The following DLG1 variants were observed in gnomAD, a reference collection of about 807,000 sequenced individuals.
DLG1 encodes disks large homolog 1.
In DLG1, 42 loss-of-function variants were observed where a neutral mutation model predicts 123.4. That is an observed-to-expected ratio of 0.34 (90% CI 0.27 to 0.44). The LOEUF (loss-of-function observed/expected upper bound fraction) is 0.44, where lower values mean the gene tolerates loss of function less well. Among genes scored for constraint, DLG1 ranks in the 20% least tolerant of loss-of-function variants. The pLI is 1.00. For synonymous variants in DLG1, 317 were observed against 356.2 expected, an observed-to-expected ratio of 0.89 and a Z score of 1.24; for missense variants, 942 against 1,082.6, an observed-to-expected ratio of 0.87 and a Z score of 1.82.
rs1247482005 is a variant in DLG1 at position 197,145,859 on chromosome 3, C to CG, written c.538-3092dup. Among the ~76,000 whole-genome samples the CG allele has an allele frequency of 3.5e-5, 3 of 85,218 alleles. No individual in the cohort carries two copies. In the East Asian group the frequency reaches 9.8e-4, roughly 28 times the overall value. 55.9% of individuals were successfully genotyped at this position (85,218 alleles called of 152,430 possible). On this transcript the variant is annotated intron_variant, in intron 6 of 24. Coordinates refer to ENST00000667157, the MANE Select transcript of DLG1 (RefSeq NM_001366207.1). ...CGTCTTTAATCCCAGCTACTCAGGG[C>CG]GGGGGCCAAGGGGTGGGGTAGGGTG...
At chr3:197,130,500 T>A in intron 11 of DLG1, 27 bp downstream of exon 11, 1 of 1,534,188 alleles carries the variant, frequency 6.5e-7, no homozygotes, top group East Asian at 2.3e-5. Flanking sequence ...AAGATAAATT[T>A]AAGCAAACGT....
intron 4 of DLG1, among the ~76,000 whole-genome samples, chr3:197,266,585 C>A (rs1230648189): frequency 6.6e-6 from 1 of 152,004 alleles, no homozygotes; most frequent in African/African-American, 2.4e-5. Context: ...TGCACTGCAG[C>A]CTGGGCGACG....
At chr3:197,174,987 T>C (rs984405434) in intron 5 of DLG1, among the ~76,000 whole-genome samples, 3 of 152,178 alleles carry the variant, frequency 2.0e-5, no homozygotes, top group Admixed American at 2.0e-4. Flanking sequence ...TGTTCAGAAA[T>C]GCTACCAAAT....
chr3:197,251,591 A>AT (rs1554049056), intron 4 of DLG1, among the ~76,000 whole-genome samples: 12 of 152,316 alleles, frequency 7.9e-5, no homozygotes, highest in African/African-American at 2.9e-4. Flanking sequence ...CATATGCATA[A>AT]GAATGAATGA....
At chr3:197,064,684 AT>A (rs1161622964) in intron 22 of DLG1, among the ~76,000 whole-genome samples, 3 of 150,642 alleles carry the variant, frequency 2.0e-5, no homozygotes, top group Non-Finnish European at 4.4e-5. Context: ...TTTCTTGCAA[AT>A]TTTTTCTGTC....
intron 4 of DLG1, among the ~76,000 whole-genome samples, chr3:197,263,981 T>TA (rs1385930577): frequency 6.6e-6 from 1 of 152,140 alleles, no homozygotes; most frequent in Admixed American, 6.5e-5. Flanking sequence ...ATTTTCCCAG[T>TA]AAAAATAGAA....
intron 4 of DLG1, among the ~76,000 whole-genome samples, chr3:197,258,001 A>G (rs1157936432): frequency 6.6e-6 from 1 of 152,348 alleles, no homozygotes; most frequent in Admixed American, 6.5e-5. Flanking sequence ...TCTCTTAGAC[A>G]TTATGTGGAA....
intron 16 of DLG1, among the ~76,000 whole-genome samples, chr3:197,084,467 A>G (rs1432132651): frequency 1.3e-5 from 2 of 151,688 alleles, no homozygotes; most frequent in African/African-American, 2.4e-5. Context: ...GCCCGCCACC[A>G]CACCCAGCTA....
intron 17 of DLG1, among the ~76,000 whole-genome samples, chr3:197,077,413 A>C (rs1315197627): frequency 6.6e-6 from 1 of 152,096 alleles, no homozygotes; most frequent in African/African-American, 2.4e-5. Flanking sequence ...CTCCTGACCA[A>C]CGTGAATGCT....
intron 4 of DLG1, among the ~76,000 whole-genome samples, chr3:197,202,549 G>A (rs904489748): frequency 6.6e-6 from 1 of 152,140 alleles, no homozygotes; most frequent in Non-Finnish European, 1.5e-5. Context: ...GATTTTAGGA[G>A]AAGAAAAACT....
intron 22 of DLG1, among the ~76,000 whole-genome samples, chr3:197,060,642 T>C (rs1313842732): frequency 2.0e-5 from 3 of 152,208 alleles, no homozygotes; most frequent in Non-Finnish European, 4.4e-5. Flanking sequence ...TAAACTAGCA[T>C]ATGGGACCCC....
At chr3:197,284,417 T>C (rs746620741) in intron 3 of DLG1, among the ~76,000 whole-genome samples, 8 of 152,158 alleles carry the variant, frequency 5.3e-5, no homozygotes, top group Non-Finnish European at 1.2e-4. Flanking sequence ...TTATCAGGAA[T>C]TGCCAAATTT....
At chr3:197,251,298 G>GA (rs1169647408) in intron 4 of DLG1, among the ~76,000 whole-genome samples, 7 of 151,742 alleles carry the variant, frequency 4.6e-5, no homozygotes, top group South Asian at 2.1e-4. Flanking sequence ...AAAAGAAATA[G>GA]AAAAAAAACC....
chr3:197,101,471 G>C (rs147993473), intron 14 of DLG1, among the ~76,000 whole-genome samples: 6,286 of 150,984 alleles, frequency 0.042, 180 homozygotes, highest in Non-Finnish European at 0.054. Context: ...CTGCAAGCTC[G>C]GCCTCCCGGG....
At chr3:197,262,454 AC>A (rs1412511513) in intron 4 of DLG1, among the ~76,000 whole-genome samples, 1 of 152,180 alleles carries the variant, frequency 6.6e-6, no homozygotes, top group Non-Finnish European at 1.5e-5. Context: ...TTTATAATAA[AC>A]TAGTAAACGC....
chr3:197,127,575 T>C (rs552855155), intron 11 of DLG1, among the ~76,000 whole-genome samples: 5 of 142,814 alleles, frequency 3.5e-5, no homozygotes, highest in East Asian at 4.1e-4. Context: ...CATACAAATA[T>C]AAGCACTAGA....
chr3:197,054,574 T>C (rs1730337422), intron 23 of DLG1, among the ~76,000 whole-genome samples: 1 of 152,186 alleles, frequency 6.6e-6, no homozygotes, highest in Non-Finnish European at 1.5e-5. Context: ...GAATTTCCTT[T>C]TGGTTTATTT....
At chr3:197,080,949 G>C in intron 17 of DLG1, 102 bp downstream of exon 17, 1 of 1,085,948 alleles carries the variant, frequency 9.2e-7, no homozygotes. Context: ...AAAGCACCAT[G>C]GCAAGAACTG....
At chr3:197,186,223 C>G (rs1472070685) in intron 5 of DLG1, among the ~76,000 whole-genome samples, 2 of 152,122 alleles carry the variant, frequency 1.3e-5, no homozygotes, top group Non-Finnish European at 2.9e-5. Flanking sequence ...TGAGATTAGA[C>G]TGGGAGGTGG....
Sources: allele counts gnomAD v4.1 joint callset (sites outside exome capture counted in the v4.1 genomes callset), GRCh38; gene constraint gnomAD v4.1.1; transcripts MANE v1.5; gene names NCBI Gene and HGNC (gene_info 2026-07-23, HGNC 2026-07-21).